The following SHOC1 variants were observed in gnomAD, a reference collection of about 807,000 sequenced individuals.
The protein encoded by SHOC1 is protein shortage in chiasmata 1 ortholog.
In SHOC1, 136 loss-of-function variants were observed where a neutral mutation model predicts 179.2. The observed-to-expected ratio is 0.76, with a 90% confidence interval of 0.66 to 0.87. The LOEUF (loss-of-function observed/expected upper bound fraction) is 0.87, where lower values mean the gene tolerates loss of function less well. Ranked by LOEUF, SHOC1 falls within the 40% of genes least tolerant of loss-of-function variation. SHOC1 has a pLI of 0.00. For synonymous variants in SHOC1, 489 were observed against 586.6 expected (o/e 0.83, Z 2.41); for missense variants, 1,538 against 1,700.8 (o/e 0.90, Z 1.68).
intron 2 of SHOC1, among the ~76,000 whole-genome samples, chr9:111,787,965 T>G (rs1836317964): frequency 6.6e-6 from 1 of 151,880 alleles, no homozygotes; most frequent in African/African-American, 2.4e-5. Context: ...TTTATTATCA[T>G]TTTTTAGCAA....
rs777990999 is a variant in SHOC1, at chr9:111,758,800, T to C, written c.491A>G (p.His164Arg). The C allele has an allele frequency of 6.3e-7, 1 of 1,582,276 alleles. No individual in the cohort carries two copies. The highest frequency in any genetic ancestry group is 1.1e-5 in the South Asian group (1 of 87,524). ...CAAGAGAGTAGGCAAAGTTGGTAGG[T>C]GTTTTCTACTACTTACAAAAAGTAT... is the stretch of plus-strand genomic sequence containing the variant. ...KGILFVSSRK[H>R]LPTLPTLLSR... Residue 164 changes from histidine (H) to arginine (R), a missense_variant, in exon 6 of 28, where the codon CAC becomes CGC. Transcript: ENST00000682961.
At chr9:111,717,658 G>C (rs1046060753) in intron 16 of SHOC1, among the ~76,000 whole-genome samples, 15 of 149,746 alleles carry the variant, frequency 1.0e-4, no homozygotes, top group Non-Finnish European at 1.9e-4. Context: ...AATGTAGTAA[G>C]ACAGACATTT....
At position 111,691,921 on chromosome 9, in the gene SHOC1, AG is replaced by A. The variant is rs1360660420; in HGVS notation, c.4055del (p.Thr1352IlefsTer105). 6.2e-7 allele frequency: 1 copy of A among 1,613,846 alleles called. No homozygotes were observed. Among genetic ancestry groups the A allele is most frequent in the African/African-American group, 1.3e-5 (1 of 74,926 alleles). On this transcript the variant is annotated frameshift_variant, in exon 27 of 28. Coordinates refer to ENST00000682961, the MANE Select transcript of SHOC1 (RefSeq NM_001378211.1). LOFTEE classifies it high-confidence loss of function. ...VSDPIFSLEG[T>X]QSPLHWNFKK... ...TAAAGTTCCAATGAAGAGGAGATTG[AG>A]TGCCCTCTAGTGAAAAGATAGGGTC...
At chr9:111,699,351 T>C (rs1331079727) in intron 24 of SHOC1, among the ~76,000 whole-genome samples, 1 of 152,212 alleles carries the variant, frequency 6.6e-6, no homozygotes, top group Admixed American at 6.5e-5. Context: ...ACTTGTTGGA[T>C]ATTCACGTGG....
chr9:111,714,645 A>C (rs1292736177), intron 16 of SHOC1, 22 bp from the exon 17 acceptor site: 1 of 1,586,264 alleles, frequency 6.3e-7, no homozygotes, highest in African/African-American at 1.4e-5. Flanking sequence ...AAATTAGAAA[A>C]AAATTGTCTA....
At chr9:111,694,153 G>A in intron 25 of SHOC1, 78 bp downstream of exon 25, 2 of 1,407,152 alleles carry the variant, frequency 1.4e-6, no homozygotes, top group Non-Finnish European at 1.9e-6. Flanking sequence ...GGGGAAAAAT[G>A]TTACCAGAAA....
At chr9:111,726,831 T>C (rs1284724869) in intron 13 of SHOC1, among the ~76,000 whole-genome samples, 1 of 152,148 alleles carries the variant, frequency 6.6e-6, no homozygotes, top group African/African-American at 2.4e-5. Flanking sequence ...AGCATAAAGA[T>C]ACCTGTATTT....
intron 24 of SHOC1, among the ~76,000 whole-genome samples, chr9:111,697,818 A>G (rs1488351927): frequency 6.6e-6 from 1 of 152,198 alleles, no homozygotes; most frequent in Non-Finnish European, 1.5e-5. Flanking sequence ...ACGGTGTAAA[A>G]GTGTTCCTAT....
intron 18 of SHOC1, among the ~76,000 whole-genome samples, chr9:111,710,464 C>T (rs1311578895): frequency 6.6e-6 from 1 of 152,106 alleles, no homozygotes; most frequent in Non-Finnish European, 1.5e-5. Context: ...CTAGTGTGTA[C>T]TACGTATATA....
intron 16 of SHOC1, among the ~76,000 whole-genome samples, chr9:111,715,287 A>T (rs1259044653): frequency 2.0e-5 from 3 of 152,198 alleles, no homozygotes; most frequent in Non-Finnish European, 4.4e-5. Context: ...TATGTAGATC[A>T]GGTGTTTAAT....
At chr9:111,788,526 G>A (rs1031395208) in intron 2 of SHOC1, among the ~76,000 whole-genome samples, 2 of 152,162 alleles carry the variant, frequency 1.3e-5, no homozygotes, top group African/African-American at 4.8e-5. Context: ...CCACATAACT[G>A]AGAAAGTCAA....
At position 111,727,926 on chromosome 9, in the gene SHOC1, A is replaced by G; in HGVS notation, c.1541T>C (p.Phe514Ser). The change falls in exon 13 of 28, where the codon TTT (phenylalanine) becomes TCT (serine). Residue 514 changes from phenylalanine (F) to serine (S), a missense_variant. Physicochemically the swap from Phe to Ser is radical, Grantham distance 155. Coordinates refer to ENST00000682961, the MANE Select transcript of SHOC1 (RefSeq NM_001378211.1). The part of the protein sequence containing the change: ...SLAKEVPDLC[F>S]SDDYFSDKGA... ...TTTATCAGAGAAATAGTCATCAGAA[A>G]AACATAGATCTGGTACTTCTTTTGC... The G allele has an allele frequency of 6.2e-7, 1 of 1,613,506 alleles. No homozygotes were observed. Among genetic ancestry groups the G allele is most frequent in the East Asian group, 2.2e-5 (1 of 44,768 alleles).
rs1833893805 is a variant in SHOC1, at chr9:111,738,302, A to G, written c.1395T>C (p.Pro465=). The change falls in exon 12 of 28, where the codon CCT becomes CCC. Residue 465 remains proline, a synonymous_variant. Coordinates refer to ENST00000682961, the MANE Select transcript of SHOC1 (RefSeq NM_001378211.1). ...TACATTCTAATTGAAGCACTTTCGT[A>G]GGCAAAAATATCTCAATTTTAGTGT... ...SNDTKIEIFL[P]TKVLQLESCL... 1 of 1,611,062 alleles carries G rather than the reference A, an allele frequency of 6.2e-7. No homozygotes were observed. The highest frequency in any genetic ancestry group is 1.7e-4 in the Middle Eastern group (1 of 6,048).
At chr9:111,743,433 C>T (rs1312143145) in intron 10 of SHOC1, among the ~76,000 whole-genome samples, 2 of 152,176 alleles carry the variant, frequency 1.3e-5, no homozygotes, top group Non-Finnish European at 2.9e-5. Context: ...TGCCATCCTA[C>T]ACCATCTCGC....
chr9:111,702,090 G>T lies in SHOC1; in HGVS notation c.3089+15C>A, dbSNP rs1831998161. 2.1e-6 allele frequency: 3 copies of T among 1,455,650 alleles called. No individual in the cohort carries two copies. The highest frequency in any genetic ancestry group is 1.3e-5 in the South Asian group (1 of 79,036). The allele number at this position is 1,455,650 out of a possible 1,614,324, so 90.2% of individuals were successfully genotyped here. On this transcript the variant is annotated intron_variant, in intron 23 of 27. Transcript: ENST00000682961. ...AAATACGAACATAACTTTGGATGAA[G>T]AAATGTTTACCTACTCTGAATTTAA...
intron 10 of SHOC1, among the ~76,000 whole-genome samples, chr9:111,744,448 T>C (rs1834176775): frequency 6.6e-6 from 1 of 152,164 alleles, no homozygotes; most frequent in African/African-American, 2.4e-5. Flanking sequence ...GATAAAGATA[T>C]ATTTAGGGCC....
intron 8 of SHOC1, among the ~76,000 whole-genome samples, chr9:111,753,680 C>A (rs939468771): frequency 6.6e-6 from 1 of 152,016 alleles, no homozygotes; most frequent in Non-Finnish European, 1.5e-5. Flanking sequence ...AAATGTGATA[C>A]ACTACATTAA....
Position 111,773,289 on chromosome 9 carries a change from C to G in SHOC1, c.442+2502G>C, listed in dbSNP as rs574490959. ...TGACTCTCTAAACTATATGCATATG[C>G]AACTTTATTTATTTTATTTTATTTT... On this transcript the variant is annotated intron_variant, in intron 5 of 27. Transcript: ENST00000682961. Among the ~76,000 whole-genome samples, 73 of 152,142 alleles carry G rather than the reference C, an allele frequency of 4.8e-4. 1 individual carries two copies. In the South Asian group the frequency reaches 0.014, roughly 29 times the overall value.
At chr9:111,794,137 C>A (rs1589486921) in intron 1 of SHOC1, among the ~76,000 whole-genome samples, 1 of 150,646 alleles carries the variant, frequency 6.6e-6, no homozygotes, top group African/African-American at 2.4e-5. Context: ...CAGGCCTGAG[C>A]CACCATATGC....
Sources: allele counts gnomAD v4.1 joint callset (sites outside exome capture counted in the v4.1 genomes callset), GRCh38; gene constraint gnomAD v4.1.1; transcripts MANE v1.5; gene names NCBI Gene and HGNC (gene_info 2026-07-23, HGNC 2026-07-21).